Variants in CGGBP1 observed in about 807,000 individuals in gnomAD.
The protein encoded by CGGBP1 is CGG triplet repeat-binding protein 1.
A neutral mutation model predicts 11.4 loss-of-function variants in CGGBP1; 4 were observed. The observed-to-expected ratio is 0.35, with a 90% CI of 0.17 to 0.80. The LOEUF is 0.80. Ranked by LOEUF, CGGBP1 falls within the 30% of genes least tolerant of loss-of-function variation. The pLI is 0.52. For missense variants in CGGBP1, 135 were observed against 202.1 expected (o/e 0.67, Z 2.01); for synonymous variants, 76 against 74.1 (o/e 1.03, Z -0.13).
chr3:88,058,572 A>G (rs1706640399), intron 1 of CGGBP1, among the ~76,000 whole-genome samples: 1 of 152,170 alleles, frequency 6.6e-6, no homozygotes, highest in Admixed American at 6.5e-5. Flanking sequence ...GGCAAGGCCG[A>G]GTCCCAGGTG....
At chr3:88,128,200 A>C (rs1488855713) in intron 2 of CGGBP1, among the ~76,000 whole-genome samples, 13 of 152,132 alleles carry the variant, frequency 8.5e-5, no homozygotes, top group Non-Finnish European at 1.6e-4. Context: ...TGGTGTTTAT[A>C]TATTTTAAAA....
rs1704760995 is a variant in CGGBP1, at chr3:88,106,693, CT to C, written c.-229+34276del. On this transcript the variant is annotated intron_variant, in intron 2 of 3. Transcript: ENST00000462901. ...GCATGTGGTGTTAATTTGTTTAATG[CT>C]TTTTTAAGCTGTGTAGATTTTTAAA... Among the ~76,000 whole-genome samples, 5 of 151,990 alleles carry C rather than the reference CT, an allele frequency of 3.3e-5. No individual in the cohort carries two copies. In the South Asian group the frequency reaches 1.0e-3, roughly 32 times the overall value.
intron 2 of CGGBP1, among the ~76,000 whole-genome samples, chr3:88,111,484 A>G (rs1342736979): frequency 1.3e-5 from 2 of 151,862 alleles, no homozygotes; most frequent in South Asian, 2.1e-4. Context: ...GCTTAACAAT[A>G]TATCTTGGAA....
intron 2 of CGGBP1, among the ~76,000 whole-genome samples, chr3:88,108,829 G>GA (rs548207936): frequency 0.072 from 10,314 of 143,794 alleles, 456 homozygotes; most frequent in Non-Finnish European, 0.11. Flanking sequence ...CTCAACTTCA[G>GA]AAAAAAAAAA....
chr3:88,088,504 T>C (rs931237054), intron 2 of CGGBP1, among the ~76,000 whole-genome samples: 1 of 152,054 alleles, frequency 6.6e-6, no homozygotes, highest in African/African-American at 2.4e-5. Context: ...AAAAATGAAT[T>C]TGAAATTAAG....
chr3:88,058,428 C>T (rs937985539), intron 1 of CGGBP1, among the ~76,000 whole-genome samples: 1 of 152,210 alleles, frequency 6.6e-6, no homozygotes, highest in African/African-American at 2.4e-5. Flanking sequence ...GGCACCTCCT[C>T]CAGCTCCCCA....
At chr3:88,060,084 TC>T (rs1280396583), upstream of CGGBP1, among the ~76,000 whole-genome samples, 3 of 152,116 alleles carry the variant, frequency 2.0e-5, no homozygotes, top group Non-Finnish European at 4.4e-5. Flanking sequence ...GTTACTTTTT[TC>T]GGACAGAGAG....
chr3:88,109,142 AGTGTGTGTGT>A (rs35595112), intron 2 of CGGBP1, among the ~76,000 whole-genome samples: 34 of 142,530 alleles, frequency 2.4e-4, no homozygotes, highest in East Asian at 1.0e-3. Context: ...AGTGGGCACT[AGTGTGTGTGT>A]GTGTGTGTGT....
intron 2 of CGGBP1, among the ~76,000 whole-genome samples, chr3:88,065,546 T>A (rs1453190881): frequency 6.6e-6 from 1 of 152,140 alleles, no homozygotes. Context: ...CCTTTGTAAA[T>A]AAAAAGACTG....
intron 2 of CGGBP1, chr3:88,139,761 G>C (rs1707004030): frequency 6.4e-7 from 1 of 1,554,430 alleles, no homozygotes; most frequent in African/African-American, 1.4e-5. Context: ...TGAATGTGGG[G>C]ATGATTATGA....
upstream of CGGBP1, among the ~76,000 whole-genome samples, chr3:88,062,547 CTT>C (rs983021744): frequency 3.9e-5 from 6 of 152,176 alleles, no homozygotes; most frequent in African/African-American, 1.2e-4. Flanking sequence ...GCTGTAAACA[CTT>C]TTCTAATTCC....
At chr3:88,075,139 T>C (rs917821577) in intron 2 of CGGBP1, among the ~76,000 whole-genome samples, 1 of 152,232 alleles carries the variant, frequency 6.6e-6, no homozygotes, top group African/African-American at 2.4e-5. Flanking sequence ...TTAAAAGCTT[T>C]TAATTTCTGT....
chr3:88,146,831 C>T (rs1707321741), intron 1 of CGGBP1, among the ~76,000 whole-genome samples: 1 of 152,144 alleles, frequency 6.6e-6, no homozygotes, highest in Non-Finnish European at 1.5e-5. Context: ...TGATTACTCC[C>T]CCAGCATTCC....
chr3:88,138,631 T>C (rs1251937207), intron 2 of CGGBP1: 1 of 910,048 alleles, frequency 1.1e-6, no homozygotes, highest in African/African-American at 1.7e-5. Flanking sequence ...AAGAGTTGTG[T>C]TTTTTAAAGA....
chr3:88,116,944 A>G (rs1705449195), intron 2 of CGGBP1, among the ~76,000 whole-genome samples: 2 of 152,192 alleles, frequency 1.3e-5, no homozygotes, highest in Admixed American at 1.3e-4. Flanking sequence ...AAGAGGATAA[A>G]TACCTCAGTT....
chr3:88,099,735 A>G (rs1306178716), intron 2 of CGGBP1, among the ~76,000 whole-genome samples: 1 of 152,188 alleles, frequency 6.6e-6, no homozygotes, highest in Non-Finnish European at 1.5e-5. Flanking sequence ...AGGATTCCCT[A>G]TTTAATAAAT....
intron 2 of CGGBP1, among the ~76,000 whole-genome samples, chr3:88,104,669 A>G (rs1177142877): frequency 6.6e-6 from 1 of 152,212 alleles, no homozygotes; most frequent in Non-Finnish European, 1.5e-5. Context: ...ATATTTGTAA[A>G]CTCTAGAGTA....
intron 1 of CGGBP1, chr3:88,142,884 A>G (rs1318273817): frequency 6.6e-6 from 1 of 152,330 alleles, no homozygotes; most frequent in Non-Finnish European, 1.5e-5. Context: ...AACTTAATAA[A>G]GTGTTAAAAC....
At chr3:88,108,918 C>A (rs139071069) in intron 2 of CGGBP1, among the ~76,000 whole-genome samples, 161 of 152,134 alleles carry the variant, frequency 1.1e-3, no homozygotes, top group Non-Finnish European at 6.9e-4. Context: ...CAAAGAAATT[C>A]ATGCTAGTTT....
Sources: allele counts gnomAD v4.1 joint callset (sites outside exome capture counted in the v4.1 genomes callset), GRCh38; gene constraint gnomAD v4.1.1; transcripts MANE v1.5; gene names NCBI Gene and HGNC (gene_info 2026-07-23, HGNC 2026-07-21).